Variants in DENND6A observed in about 807,000 individuals in gnomAD.
The protein encoded by DENND6A is DENN domain containing 6A.
A neutral mutation model predicts 95.5 loss-of-function variants in DENND6A; 43 were observed. That is an observed-to-expected ratio of 0.45 (90% CI 0.35 to 0.58). The LOEUF (loss-of-function observed/expected upper bound fraction) is 0.58, where lower values mean the gene tolerates loss of function less well. Among genes scored for constraint, DENND6A ranks in the 20% least tolerant of loss-of-function variants. DENND6A has a pLI of 0.00. For synonymous variants in DENND6A, 257 were observed against 260.4 expected, an observed-to-expected ratio of 0.99 and a Z score of 0.13; for missense variants, 574 against 736.0, an observed-to-expected ratio of 0.78 and a Z score of 2.55.
intron 1 of DENND6A, among the ~76,000 whole-genome samples, chr3:57,677,253 A>G (rs1244969897): frequency 1.3e-5 from 2 of 152,266 alleles, no homozygotes; most frequent in South Asian, 2.1e-4. Context: ...ATTTTAATCA[A>G]TTCTCTACAG....
At chr3:57,684,417 C>T (rs1050114670) in intron 1 of DENND6A, among the ~76,000 whole-genome samples, 4 of 149,818 alleles carry the variant, frequency 2.7e-5, no homozygotes, top group African/African-American at 7.4e-5. Flanking sequence ...GAGCTGAGAT[C>T]GTGCCACTGC....
At chr3:57,659,045 C>A in intron 8 of DENND6A, 73 bp downstream of exon 8, 1 of 1,382,924 alleles carries the variant, frequency 7.2e-7, no homozygotes, top group Non-Finnish European at 1.0e-6. Flanking sequence ...AGAAACTCTG[C>A]ATTTGCTAGT....
rs762391000 is a variant in DENND6A, at chr3:57,663,497, T to TATATAC, written c.513+138_513+139insGTATAT. On this transcript the variant is annotated intron_variant, in intron 5 of 19. Transcript: ENST00000311128. ...AAAAAAAAAAAAAAAAATATATATA[T>TATATAC]ACACACACACACACACATATATATA... 6.4e-3 allele frequency: 962 copies of TATATAC among 149,496 alleles called. 4 individuals carry two copies. Among genetic ancestry groups the TATATAC allele is most frequent in the African/African-American group, 1.0e-2 (322 of 32,252 alleles). 9.3% of individuals were successfully genotyped at this position (149,496 alleles called of 1,614,324 possible).
At chr3:57,653,831 GTT>G (rs571512945) in intron 9 of DENND6A, among the ~76,000 whole-genome samples, 9 of 139,756 alleles carry the variant, frequency 6.4e-5, no homozygotes, top group African/African-American at 1.8e-4. Context: ...AAATCACTGG[GTT>G]TTTTTTTTTT....
At chr3:57,665,370 A>T (rs1267434816) in intron 4 of DENND6A, among the ~76,000 whole-genome samples, 2 of 152,200 alleles carry the variant, frequency 1.3e-5, no homozygotes, top group Admixed American at 1.3e-4. Context: ...CAATTCCCTC[A>T]TCTACAAAAG....
At chr3:57,633,187 G>T in intron 15 of DENND6A, 78 bp downstream of exon 15, 1 of 1,237,314 alleles carries the variant, frequency 8.1e-7, no homozygotes, top group South Asian at 1.3e-5. Flanking sequence ...TTAAGATATG[G>T]TTTTGGAGGG....
chr3:57,649,680 T>C (rs1230617045), intron 9 of DENND6A, among the ~76,000 whole-genome samples: 2 of 148,102 alleles, frequency 1.4e-5, no homozygotes, highest in Non-Finnish European at 3.0e-5. Context: ...ATATATATAT[T>C]TGTCCCCCAT....
At chr3:57,689,782 G>A (rs2077243823) in intron 1 of DENND6A, among the ~76,000 whole-genome samples, 1 of 152,150 alleles carries the variant, frequency 6.6e-6, no homozygotes, top group African/African-American at 2.4e-5. Flanking sequence ...TCAGAGAAGG[G>A]CTGGGCATGG....
At chr3:57,679,296 G>C (rs2077139048) in intron 1 of DENND6A, among the ~76,000 whole-genome samples, 2 of 152,312 alleles carry the variant, frequency 1.3e-5, no homozygotes, top group Admixed American at 1.3e-4. Flanking sequence ...CAGTTAACTA[G>C]ATATTCCCAC....
rs759912214 is a variant in DENND6A at position 57,628,836 on chromosome 3, A to G, written c.1670T>C (p.Leu557Pro). The change falls in exon 19 of 20, where the codon CTT becomes CCT. Residue 557 changes from leucine (L) to proline (P), a missense_variant. Coordinates refer to ENST00000311128, the MANE Select transcript of DENND6A (RefSeq NM_152678.3). ...CAGCTTATTTTTCAGCTTCAAGACA[A>G]GGTCTACTGTTTCTACTTCTGTGTG... The part of the protein sequence containing the change: ...QKHTEVETVD[L>P]VLKLKNKLLQ... 2 of 1,612,372 alleles carry G rather than the reference A, an allele frequency of 1.2e-6. No individual in the cohort carries two copies. Among genetic ancestry groups the G allele is most frequent in the Non-Finnish European group, 1.7e-6 (2 of 1,179,656 alleles).
Position 57,689,000 on chromosome 3 carries a change from G to T in DENND6A, c.237+3782C>A, listed in dbSNP as rs537329399. ...TTTTGAGACAAAGTCTTGCTGTGTCGCCAGGCTGGAGTGCAGTGGCCCGAT... is the reference window on the plus strand; with the variant it reads ...TTTTGAGACAAAGTCTTGCTGTGTCTCCAGGCTGGAGTGCAGTGGCCCGAT... On this transcript the variant is annotated intron_variant, in intron 1 of 19. Transcript: ENST00000311128. Among the ~76,000 whole-genome samples the T allele has an allele frequency of 2.3e-4, 35 of 151,790 alleles. No individual in the cohort carries two copies. In the East Asian group the frequency reaches 6.4e-3, roughly 28 times the overall value.
chr3:57,630,333 G>A, intron 18 of DENND6A, 88 bp downstream of exon 18: 2 of 1,202,192 alleles, frequency 1.7e-6, no homozygotes, highest in Non-Finnish European at 2.3e-6. Context: ...ATAAAGAGTG[G>A]ATAAAGGGTA....
intron 11 of DENND6A, among the ~76,000 whole-genome samples, chr3:57,644,879 G>A (rs759599275): frequency 7.4e-5 from 11 of 149,354 alleles, no homozygotes; most frequent in Non-Finnish European, 1.2e-4. Context: ...GTGAAACAGT[G>A]AGAAGGGTAT....
rs534402751 is a variant in DENND6A, at chr3:57,692,826, C to G, written c.193G>C (p.Val65Leu). ...WDSFSAWLHCVCVVGFDLELG... is the reference protein window; with the variant it reads ...WDSFSAWLHCLCVVGFDLELG... ...TCCAGGTCGAAGCCCACCACACACA[C>G]GCAGTGCAGCCAGGCGGAGAAGCTG... Residue 65 changes from valine to leucine, a missense_variant, in exon 1 of 20, where the codon GTG becomes CTG. Physicochemically the swap from Val to Leu is conservative, Grantham distance 32. Coordinates refer to ENST00000311128, the MANE Select transcript of DENND6A (RefSeq NM_152678.3). 1.1e-4 allele frequency: 166 copies of G among 1,579,156 alleles called. No individual in the cohort carries two copies. The South Asian group carries it at 1.8e-3, about 17-fold the overall frequency.
At chr3:57,644,688 AGGGAG>A (rs1240691828) in intron 11 of DENND6A, among the ~76,000 whole-genome samples, 1 of 84,784 alleles carries the variant, frequency 1.2e-5, no homozygotes, top group African/African-American at 4.6e-5. Flanking sequence ...GCAACAGGGA[AGGGAG>A]GGGAGGGGAG....
At chr3:57,684,379 C>T (rs189243772) in intron 1 of DENND6A, among the ~76,000 whole-genome samples, 1 of 152,194 alleles carries the variant, frequency 6.6e-6, no homozygotes, top group Non-Finnish European at 1.5e-5. Context: ...AGGAGAATCG[C>T]TGGAACTTGG....
intron 12 of DENND6A, among the ~76,000 whole-genome samples, chr3:57,636,936 CAAAAAAAAAAAAAA>C (rs60350642): frequency 3.8e-5 from 2 of 52,008 alleles, no homozygotes; most frequent in African/African-American, 1.4e-4. Context: ...GACTCTGTCT[CAAAAAAAAAAAAAA>C]AAAAAAAAAG....
chr3:57,630,955 C>T lies in DENND6A; in HGVS notation c.1377G>A (p.Met459Ile), dbSNP rs774328230. Reference sequence around the variant, plus strand: ...ATGGGGAAATACTTTTCTGCAAAGGCATCAAGCTTGCCACATATCTTTCCT... The same window carrying T: ...ATGGGGAAATACTTTTCTGCAAAGGTATCAAGCTTGCCACATATCTTTCCT... ...IPLERYVASLMPLQKSISPWK... is the reference protein window; with the variant it reads ...IPLERYVASLIPLQKSISPWK... Residue 459 changes from methionine (M) to isoleucine (I), a missense_variant, in exon 16 of 20, where the codon ATG (methionine) becomes ATA (isoleucine). By Grantham distance (10) the Met-to-Ile change is conservative. Transcript: ENST00000311128. The T allele has an allele frequency of 6.2e-7, 1 of 1,613,396 alleles. No individual in the cohort carries two copies. Among genetic ancestry groups the T allele is most frequent in the Admixed American group, 1.7e-5 (1 of 59,860 alleles).
chr3:57,687,423 A>G (rs1304037026), intron 1 of DENND6A, among the ~76,000 whole-genome samples: 2 of 152,262 alleles, frequency 1.3e-5, no homozygotes, highest in Admixed American at 1.3e-4. Flanking sequence ...GTTTAAGGAA[A>G]GAAGCTGTCT....
Sources: allele counts gnomAD v4.1 joint callset (sites outside exome capture counted in the v4.1 genomes callset), GRCh38; gene constraint gnomAD v4.1.1; transcripts MANE v1.5; gene names NCBI Gene and HGNC (gene_info 2026-07-23, HGNC 2026-07-21).